Variants in RAB27B observed in about 807,000 individuals in gnomAD.
The protein encoded by RAB27B is ras-related protein Rab-27B.
A neutral mutation model predicts 24.6 loss-of-function variants in RAB27B; 15 were observed. The ratio of observed to expected loss-of-function variants is 0.61; its 90% CI spans 0.41 to 0.94. RAB27B has a LOEUF of 0.94. Ranked by LOEUF, RAB27B falls within the 40% of genes least tolerant of loss-of-function variation. The probability of loss-of-function intolerance (pLI) is 0.00; values close to 1 mark genes in which losing one functional copy is unlikely to be tolerated. For missense variants in RAB27B, 261 were observed against 266.8 expected (o/e 0.98, Z 0.15); for synonymous variants, 105 against 92.5 (o/e 1.14, Z -0.78).
At chr18:54,737,231 G>C (rs114336512) in intron 2 of RAB27B, among the ~76,000 whole-genome samples, 9 of 152,224 alleles carry the variant, frequency 5.9e-5, no homozygotes, top group African/African-American at 2.2e-4. Flanking sequence ...TGCACACAAG[G>C]CTTCTTCCCT....
intron 3 of RAB27B, among the ~76,000 whole-genome samples, chr18:54,881,153 G>A (rs1471655734): frequency 1.3e-5 from 2 of 152,226 alleles, no homozygotes; most frequent in African/African-American, 4.8e-5. Context: ...GAGCAAAAGG[G>A]GCTCATCACT....
intron 2 of RAB27B, among the ~76,000 whole-genome samples, chr18:54,767,771 C>T (rs1032964696): frequency 3.9e-5 from 6 of 152,160 alleles, no homozygotes; most frequent in African/African-American, 1.2e-4. Flanking sequence ...CCACCCTTGG[C>T]ACATGGAATG....
chr18:54,798,079 AC>A (rs1909481999), intron 2 of RAB27B, among the ~76,000 whole-genome samples: 2 of 152,136 alleles, frequency 1.3e-5, no homozygotes, highest in South Asian at 4.1e-4. Context: ...CTATGATCTA[AC>A]AACTGACTTC....
At chr18:54,887,873 A>G (rs1462583022) in intron 4 of RAB27B, 122 bp from the exon 5 acceptor site, 4 of 1,189,962 alleles carry the variant, frequency 3.4e-6, no homozygotes, top group African/African-American at 3.1e-5. Flanking sequence ...AACTTGGCCA[A>G]TATAACTAGT....
intron 1 of RAB27B, among the ~76,000 whole-genome samples, chr18:54,838,350 CCTCTT>C (rs1910975666): frequency 6.6e-6 from 1 of 152,012 alleles, no homozygotes; most frequent in Non-Finnish European, 1.5e-5. Flanking sequence ...TCTTCTTCTG[CCTCTT>C]CTCTTCCCCT....
At chr18:54,866,979 A>G (rs1912256374) in intron 1 of RAB27B, among the ~76,000 whole-genome samples, 1 of 152,166 alleles carries the variant, frequency 6.6e-6, no homozygotes, top group Admixed American at 6.5e-5. Context: ...GGCAGGAATG[A>G]AGAGTCAGAG....
At chr18:54,858,880 A>T (rs921987043) in intron 1 of RAB27B, among the ~76,000 whole-genome samples, 1 of 152,234 alleles carries the variant, frequency 6.6e-6, no homozygotes, top group Non-Finnish European at 1.5e-5. Flanking sequence ...GACCGTCAAT[A>T]AACTGGAAGT....
intron 2 of RAB27B, among the ~76,000 whole-genome samples, chr18:54,726,497 C>T (rs1416654750): frequency 6.6e-6 from 1 of 151,472 alleles, no homozygotes; most frequent in African/African-American, 2.4e-5. Context: ...CATCACTGTT[C>T]TTCCTGTTCG....
chr18:54,791,165 A>G (rs62091655), intron 2 of RAB27B, among the ~76,000 whole-genome samples: 1,695 of 152,270 alleles, frequency 0.011, 22 homozygotes, highest in Non-Finnish European at 0.019. Context: ...TCATTACTTT[A>G]TAGGCTTGTC....
At chr18:54,802,393 G>C (rs539190348) in intron 2 of RAB27B, among the ~76,000 whole-genome samples, 1 of 152,156 alleles carries the variant, frequency 6.6e-6, no homozygotes, top group South Asian at 2.1e-4. Flanking sequence ...CACTGGTTCA[G>C]TGCCTGCTCT....
chr18:54,787,724 G>A (rs1224842109), intron 2 of RAB27B, among the ~76,000 whole-genome samples: 1 of 150,022 alleles, frequency 6.7e-6, no homozygotes, highest in African/African-American at 2.5e-5. Flanking sequence ...AACACTGACT[G>A]GATTAAAAAA....
At chr18:54,888,689 T>C (rs1191487268) in intron 5 of RAB27B, among the ~76,000 whole-genome samples, 1 of 152,156 alleles carries the variant, frequency 6.6e-6, no homozygotes, top group Non-Finnish European at 1.5e-5. Flanking sequence ...CATTATTCTT[T>C]AAATTTAAAG....
At chr18:54,871,181 C>T (rs1912450208) in intron 1 of RAB27B, among the ~76,000 whole-genome samples, 1 of 152,086 alleles carries the variant, frequency 6.6e-6, no homozygotes, top group South Asian at 2.1e-4. Flanking sequence ...AACTGCCTTC[C>T]TAATAGAACA....
chr18:54,822,816 C>A (rs905095574), intron 2 of RAB27B, among the ~76,000 whole-genome samples: 1 of 152,114 alleles, frequency 6.6e-6, no homozygotes, highest in African/African-American at 2.4e-5. Flanking sequence ...GGCATACCCA[C>A]ACTACTGTGA....
intron 2 of RAB27B, among the ~76,000 whole-genome samples, chr18:54,820,311 T>A (rs965717324): frequency 6.6e-6 from 1 of 152,224 alleles, no homozygotes; most frequent in Non-Finnish European, 1.5e-5. Flanking sequence ...TGATTGCCAT[T>A]CTAACTGGTG....
intron 1 of RAB27B, among the ~76,000 whole-genome samples, chr18:54,841,615 C>T (rs1184112501): frequency 2.0e-5 from 3 of 152,050 alleles, no homozygotes; most frequent in East Asian, 1.9e-4. Flanking sequence ...ATTTTTCCAT[C>T]GAGAATGGTG....
chr18:54,754,090 A>T (rs1004374279), intron 2 of RAB27B, among the ~76,000 whole-genome samples: 1 of 152,142 alleles, frequency 6.6e-6, no homozygotes, highest in African/African-American at 2.4e-5. Context: ...CCTAACTCTC[A>T]TCTTGAATTG....
Position 54,889,477 on chromosome 18 carries a change from A to T in RAB27B, c.*64A>T, listed in dbSNP as rs750877618. 45 of 1,420,994 alleles carry T rather than the reference A, an allele frequency of 3.2e-5. No homozygotes were observed. The highest frequency in any genetic ancestry group is 3.9e-5 in the Non-Finnish European group (41 of 1,057,084). The allele number at this position is 1,420,994 out of a possible 1,614,324, so 88.0% of individuals were successfully genotyped here. The stretch of plus-strand genomic sequence containing the variant: ...ATATTACTTTTAAAAACAATGACAA[A>T]CCACACAATTGTTGTTGAGTAAACC... On this transcript the variant is annotated 3_prime_UTR_variant, in exon 6 of 6. Transcript: ENST00000262094.
At chr18:54,813,604 C>A (rs1408648200) in intron 2 of RAB27B, among the ~76,000 whole-genome samples, 1 of 152,232 alleles carries the variant, frequency 6.6e-6, no homozygotes, top group Non-Finnish European at 1.5e-5. Flanking sequence ...TGATTGTAAG[C>A]TTCCCAAGGC....
Sources: gnomAD v4.1 joint callset for allele counts (sites outside exome capture counted in the v4.1 genomes callset) on GRCh38, gnomAD v4.1.1 for gene constraint, MANE v1.5 for transcripts, NCBI Gene and HGNC (gene_info 2026-07-23, HGNC 2026-07-21) for gene names.